SELENON: variants seen among roughly 807,000 people sequenced by gnomAD.
SELENON encodes the protein selenoprotein N, also known as selenoprotein N, 1.
A neutral mutation model predicts 59.5 loss-of-function variants in SELENON; 44 were observed. The observed-to-expected ratio is 0.74, with a 90% CI of 0.58 to 0.95. The LOEUF is 0.95. Ranked by LOEUF, SELENON falls within the 40% of genes least tolerant of loss-of-function variation. The pLI is 0.00. For missense variants in SELENON, 674 were observed against 721.4 expected, an observed-to-expected ratio of 0.93 and a Z score of 0.75; for synonymous variants, 320 against 305.6, an observed-to-expected ratio of 1.05 and a Z score of -0.49.
rs747630390 is a variant in SELENON at position 25,809,796 on chromosome 1, T to TC, written c.988dup (p.Arg330ProfsTer?). The TC allele has an allele frequency of 6.2e-7, 1 of 1,613,944 alleles. No individual in the cohort carries two copies. Among genetic ancestry groups the TC allele is most frequent in the South Asian group, 1.1e-5 (1 of 91,080 alleles). On this transcript the variant is annotated frameshift_variant, in exon 7 of 13. Coordinates refer to ENST00000361547, the MANE Select transcript of SELENON (RefSeq NM_020451.3). LOFTEE classifies it high-confidence loss of function. The stretch of plus-strand genomic sequence containing the variant: ...AAAGACGCCACCCACGTCCGCGACT[T>TC]CCGGCTCTTCGTGCCCAACCACAGG...
chr1:25,814,119 C>T lies in SELENON; in HGVS notation c.1543C>T (p.His515Tyr), dbSNP rs1384745544. ...GTCCCACCAGAAGCTGGCTGGCCTG[C>T]ACCTGGAGAAGTACAGCTTCCCCGT... Residue 515 changes from histidine (H) to tyrosine (Y), a missense_variant, in exon 12 of 13, where the codon CAC becomes TAC. Transcript: ENST00000361547. 3.1e-6 allele frequency: 5 copies of T among 1,614,224 alleles called. No individual in the cohort carries two copies. Among genetic ancestry groups the T allele is most frequent in the Non-Finnish European group, 4.2e-6 (5 of 1,180,028 alleles).
chr1:25,812,769 C>T lies in SELENON; in HGVS notation c.1364C>T (p.Ala455Val), dbSNP rs1356970085. The change falls in exon 10 of 13, where the codon GCC becomes GTC. Residue 455 changes from alanine (A) to valine (V), a missense_variant. Coordinates refer to ENST00000361547, the MANE Select transcript of SELENON (RefSeq NM_020451.3). ...GTGCACTCAATCCTGCTGTGGGGGG[C>T]CCTGGATGACCAGTCCTGCTGAGGT... 1.2e-6 allele frequency: 2 copies of T among 1,613,280 alleles called. No homozygotes were observed. The highest frequency in any genetic ancestry group is 4.5e-5 in the East Asian group (2 of 44,864).
intron 3 of SELENON, among the ~76,000 whole-genome samples, chr1:25,802,720 G>C (rs1364873538): frequency 2.0e-5 from 3 of 152,146 alleles, no homozygotes; most frequent in East Asian, 1.9e-4. Context: ...TATTTATTTG[G>C]TTAAAGATGA....
chr1:25,815,967 C>A lies in SELENON; in HGVS notation c.*249C>A. 1 of 525,274 alleles carries A rather than the reference C, an allele frequency of 1.9e-6. No individual in the cohort carries two copies. Among genetic ancestry groups the A allele is most frequent in the Non-Finnish European group, 3.5e-6 (1 of 289,372 alleles). 32.5% of individuals were successfully genotyped at this position (525,274 alleles called of 1,614,324 possible). On this transcript the variant is annotated 3_prime_UTR_variant, in exon 13 of 13. Coordinates refer to ENST00000361547, the MANE Select transcript of SELENON (RefSeq NM_020451.3). ...CACTCGGCTCTCCCTACCCATTTGG[C>A]TCTGGAAGCTGCTTGGCCCCCCCAG...
intron 4 of SELENON, among the ~76,000 whole-genome samples, chr1:25,806,727 C>G (rs2047910210): frequency 6.6e-6 from 1 of 151,682 alleles, no homozygotes; most frequent in African/African-American, 2.4e-5. Flanking sequence ...AGCCACATGG[C>G]AAAAGAAACT....
intron 3 of SELENON, among the ~76,000 whole-genome samples, chr1:25,803,476 T>G (rs904300640): frequency 2.6e-5 from 4 of 152,204 alleles, no homozygotes; most frequent in African/African-American, 9.6e-5. Flanking sequence ...CTTAAAATTT[T>G]TACAAATTAC....
intron 3 of SELENON, 99 bp from the exon 3 acceptor site, chr1:25,805,043 C>A: frequency 1.3e-6 from 2 of 1,535,732 alleles, no homozygotes; most frequent in Non-Finnish European, 1.8e-6. Flanking sequence ...ACCCCCACCC[C>A]CTGCCTGGCT....
Position 25,803,587 on chromosome 1 carries a change from A to G in SELENON, c.403+1470A>G, listed in dbSNP as rs1255110571. ...GAGTAGTAGTATTATAATTAATAAC[A>G]TTATTACCAACTCCATTTGACAAAT... On this transcript the variant is annotated intron_variant, in intron 3 of 12. Transcript: ENST00000361547. Among the ~76,000 whole-genome samples, 7 of 152,336 alleles carry G rather than the reference A, an allele frequency of 4.6e-5. No individual in the cohort carries two copies. The East Asian group carries it at 1.3e-3, about 29-fold the overall frequency.
Position 25,814,070 on chromosome 1 carries a change from C to A in SELENON, c.1501-7C>A. On this transcript the variant is annotated splice_polypyrimidine_tract_variant and splice_region_variant and intron_variant, in intron 11 of 12. Coordinates refer to ENST00000361547, the MANE Select transcript of SELENON (RefSeq NM_020451.3). ...GCGGCATCAGGAGTGTGCAACTGTC[C>A]CCACAGAACAACCAGGAGAACTCGT... The A allele has an allele frequency of 6.2e-7, 1 of 1,613,460 alleles. No individual in the cohort carries two copies. Among genetic ancestry groups the A allele is most frequent in the Non-Finnish European group, 8.5e-7 (1 of 1,179,392 alleles).
chr1:25,801,927 T>G (rs1272180000), intron 2 of SELENON: 1 of 215,710 alleles, frequency 4.6e-6, no homozygotes, highest in Non-Finnish European at 9.7e-6. Flanking sequence ...GCTCACAGGT[T>G]TCAGTAGAGA....
chr1:25,804,653 C>T (rs1204627748), intron 3 of SELENON, among the ~76,000 whole-genome samples: 2 of 123,284 alleles, frequency 1.6e-5, no homozygotes, highest in African/African-American at 3.3e-5. Flanking sequence ...CGCCCCCCCC[C>T]CCCCGCCGCA....
chr1:25,807,599 C>G lies in SELENON; in HGVS notation c.538-981C>G, dbSNP rs1010520305. Among the ~76,000 whole-genome samples, 2 of 152,184 alleles carry G rather than the reference C, an allele frequency of 1.3e-5. No individual in the cohort carries two copies. The highest frequency in any genetic ancestry group is 2.9e-5 in the Non-Finnish European group (2 of 68,022). On this transcript the variant is annotated intron_variant, in intron 4 of 12. Coordinates refer to ENST00000361547, the MANE Select transcript of SELENON (RefSeq NM_020451.3). This position sits in a 1 kb window ranked among gnomAD's most constrained non-coding sequence, Gnocchi z 4.5. ...CCCAGCACCCATCGCTGGCAGGTCC[C>G]CTGCAGGGGGTGGCAAGCCTACAAG...
At chr1:25,806,055 A>G (rs1049491495) in intron 4 of SELENON, among the ~76,000 whole-genome samples, 2 of 152,198 alleles carry the variant, frequency 1.3e-5, no homozygotes, top group Non-Finnish European at 2.9e-5. Flanking sequence ...CTCTGCCAGG[A>G]ACACTGCCTC....
intron 10 of SELENON, among the ~76,000 whole-genome samples, chr1:25,813,257 G>A (rs946649627): frequency 1.3e-5 from 2 of 152,180 alleles, no homozygotes; most frequent in Non-Finnish European, 2.9e-5. Flanking sequence ...TTGGGTGTCT[G>A]GCAGTGGGCA....
Position 25,816,594 on chromosome 1 carries a change from C to CA in SELENON, c.*878dup, listed in dbSNP as rs1261102165. 6.5e-6 allele frequency: 1 copy of CA among 152,720 alleles called. No homozygotes were observed. Among genetic ancestry groups the CA allele is most frequent in the East Asian group, 1.9e-4 (1 of 5,198 alleles). 9.5% of individuals were successfully genotyped at this position (152,720 alleles called of 1,614,324 possible). ...TTCTCCAGAGCCGGCACTGTCCCGG[C>CA]AACCAGGGGTGCCCCAGGCTAGCTC... On this transcript the variant is annotated 3_prime_UTR_variant, in exon 13 of 13. Transcript: ENST00000361547.
At position 25,808,848 on chromosome 1, in the gene SELENON, CCT is replaced by C. The variant is rs2047933478; in HGVS notation, c.747+62_747+63del. The C allele has an allele frequency of 1.2e-5, 19 of 1,597,982 alleles. No homozygotes were observed. In the East Asian group the frequency reaches 3.1e-4, roughly 26 times the overall value. On this transcript the variant is annotated intron_variant, in intron 5 of 12. Transcript: ENST00000361547. ...CCGCCCGAGCCCAGGAGTGGCCACC[CCT>C]CTGTCTGCGCCTGGACCCCAGTGCC...
chr1:25,813,339 G>A (rs984596204), intron 10 of SELENON, among the ~76,000 whole-genome samples: 40 of 152,294 alleles, frequency 2.6e-4, no homozygotes, highest in Admixed American at 2.0e-4. Flanking sequence ...GGGTGCTTGC[G>A]TCCCACAGTG....
chr1:25,803,572 A>G (rs1211592104), intron 3 of SELENON, among the ~76,000 whole-genome samples: 1 of 152,226 alleles, frequency 6.6e-6, no homozygotes, highest in East Asian at 1.9e-4. Flanking sequence ...GAGTAGTAGT[A>G]TTATAATTAA....
Position 25,809,713 on chromosome 1 carries a change from G to T in SELENON, c.903G>T (p.Pro301=), listed in dbSNP as rs752634748. 6.2e-7 allele frequency: 1 copy of T among 1,614,022 alleles called. No homozygotes were observed. The highest frequency in any genetic ancestry group is 1.7e-5 in the Admixed American group (1 of 60,014). The change falls in exon 7 of 13, where the codon CCG becomes CCT. Residue 301 remains proline (P), a synonymous_variant. Coordinates refer to ENST00000361547, the MANE Select transcript of SELENON (RefSeq NM_020451.3). ...ATGCCGAGTTCCAGCTCAGTGAGCCGCCCGACTTCCCCTTTTGGTTCTCCC... is the reference window on the plus strand; with the variant it reads ...ATGCCGAGTTCCAGCTCAGTGAGCCTCCCGACTTCCCCTTTTGGTTCTCCC...
Sources: gnomAD v4.1 joint callset for allele counts (sites outside exome capture counted in the v4.1 genomes callset) on GRCh38, gnomAD v4.1.1 for gene constraint, Gnocchi (gnomAD v3.1) non-coding constraint, MANE v1.5 for transcripts, NCBI Gene and HGNC (gene_info 2026-07-23, HGNC 2026-07-21) for gene names.